NCOA2: variants seen among roughly 807,000 people sequenced by gnomAD.
NCOA2 encodes nuclear receptor coactivator 2, also known as class E basic helix-loop-helix protein 75.
Under a neutral mutation model 145.1 loss-of-function variants are expected in NCOA2, and 21 were observed. That is an observed-to-expected ratio of 0.14 (90% CI 0.10 to 0.21). NCOA2 has a LOEUF of 0.21. Among genes scored for constraint, NCOA2 ranks in the 10% least tolerant of loss-of-function variants. The pLI, the probability that NCOA2 is intolerant of heterozygous loss-of-function variation, is 1.00. For synonymous variants in NCOA2, 619 were observed against 637.5 expected, an observed-to-expected ratio of 0.97 and a Z score of 0.44; for missense variants, 1,472 against 1,837.6, an observed-to-expected ratio of 0.80 and a Z score of 3.64.
chr8:70,126,693 G>A, intron 19 of NCOA2, 120 bp downstream of exon 19: 1 of 879,058 alleles, frequency 1.1e-6, no homozygotes, highest in Non-Finnish European at 1.8e-6. Context: ...ATCATTCCCT[G>A]GTTAGCCAGA....
chr8:70,364,437 A>G (rs1810492017), intron 1 of NCOA2, among the ~76,000 whole-genome samples: 1 of 152,206 alleles, frequency 6.6e-6, no homozygotes, highest in Non-Finnish European at 1.5e-5. Context: ...AGAAAAATGC[A>G]ATGTTTTTGA....
chr8:70,271,249 C>A (rs1825022533), intron 2 of NCOA2, among the ~76,000 whole-genome samples: 1 of 152,098 alleles, frequency 6.6e-6, no homozygotes, highest in African/African-American at 2.4e-5. Context: ...TTTGCTATGT[C>A]TTTGAGTTAA....
At position 70,113,645 on chromosome 8, in the gene NCOA2, T is replaced by C; in HGVS notation, c.4384-2A>G. ...GCTTCAGCAGTGTCAGCAATATTTC[T>C]GTAGGAAAACAGATAAAAAGTTGTG... On this transcript the variant is annotated splice_acceptor_variant, in intron 22 of 22. Coordinates refer to ENST00000452400, the MANE Select transcript of NCOA2 (RefSeq NM_006540.4). LOFTEE classifies it high-confidence loss of function. 1 of 1,551,854 alleles carries C rather than the reference T, an allele frequency of 6.4e-7. No individual in the cohort carries two copies. The highest frequency in any genetic ancestry group is 8.7e-7 in the Non-Finnish European group (1 of 1,147,018).
chr8:70,442,678 AT>A, the NCOA2 span, among the ~76,000 whole-genome samples: 1 of 152,212 alleles, frequency 6.6e-6, no homozygotes, highest in Non-Finnish European at 1.5e-5. Context: ...CTGACCTCTG[AT>A]TTGCTTATGC....
chr8:70,148,967 C>T (rs1190377057), intron 11 of NCOA2, among the ~76,000 whole-genome samples: 4 of 151,910 alleles, frequency 2.6e-5, no homozygotes, highest in African/African-American at 9.7e-5. Context: ...AGTCATTTCC[C>T]TTCAGGATTT....
chr8:70,321,296 C>A (rs1586482777), intron 1 of NCOA2, among the ~76,000 whole-genome samples: 2 of 151,992 alleles, frequency 1.3e-5, no homozygotes, highest in African/African-American at 2.4e-5. Flanking sequence ...TTTAATTATT[C>A]CACATTATAT....
intron 1 of NCOA2, among the ~76,000 whole-genome samples, chr8:70,346,629 T>C (rs755435055): frequency 1.6e-4 from 24 of 152,198 alleles, no homozygotes; most frequent in Admixed American, 1.6e-3. Flanking sequence ...AGCTTCTGAG[T>C]GTACATTATT....
chr8:70,311,937 T>C (rs1586455024), intron 1 of NCOA2, among the ~76,000 whole-genome samples: 2 of 152,362 alleles, frequency 1.3e-5, no homozygotes, highest in South Asian at 2.1e-4. Context: ...CTAAACACTT[T>C]ACAAGTTTCA....
chr8:70,152,381 A>C (rs553342825), intron 11 of NCOA2, among the ~76,000 whole-genome samples: 1 of 152,348 alleles, frequency 6.6e-6, no homozygotes, highest in East Asian at 1.9e-4. Flanking sequence ...TTTTAAATAA[A>C]AAGTATAATT....
At chr8:70,334,875 A>G (rs1211080834) in intron 1 of NCOA2, among the ~76,000 whole-genome samples, 1 of 152,104 alleles carries the variant, frequency 6.6e-6, no homozygotes, top group African/African-American at 2.4e-5. Context: ...CTGTGATCTC[A>G]GCACTTTGGG....
the NCOA2 span, among the ~76,000 whole-genome samples, chr8:70,455,351 G>A: frequency 2.0e-5 from 3 of 152,184 alleles, no homozygotes; most frequent in Non-Finnish European, 4.4e-5. Flanking sequence ...TATCGGAAAG[G>A]GAATGGGAAA....
chr8:70,176,972 A>G (rs1399559230), intron 4 of NCOA2, among the ~76,000 whole-genome samples: 1 of 152,196 alleles, frequency 6.6e-6, no homozygotes, highest in Non-Finnish European at 1.5e-5. Flanking sequence ...AAAACATGTC[A>G]TAATTTATGT....
chr8:70,296,946 CTT>C (rs1563735429), intron 1 of NCOA2, 146 bp from the exon 2 acceptor site: 2 of 152,190 alleles, frequency 1.3e-5, no homozygotes, highest in Non-Finnish European at 2.9e-5. Context: ...AATAACATCT[CTT>C]ATTAAATCGC....
Position 70,174,879 on chromosome 8 carries a change from G to T in NCOA2, c.260-20C>A. On this transcript the variant is annotated intron_variant, in intron 4 of 22. Coordinates refer to ENST00000452400, the MANE Select transcript of NCOA2 (RefSeq NM_006540.4). ...CTTTCTCTGCAATAAACATAAGTGT[G>T]AATTAAATGGCAGTGCTATTTCAAG... The T allele has an allele frequency of 6.3e-7, 1 of 1,596,762 alleles. No individual in the cohort carries two copies. Among genetic ancestry groups the T allele is most frequent in the South Asian group, 1.1e-5 (1 of 90,730 alleles).
At chr8:70,324,367 C>T (rs979142370) in intron 1 of NCOA2, among the ~76,000 whole-genome samples, 3 of 152,090 alleles carry the variant, frequency 2.0e-5, no homozygotes, top group Non-Finnish European at 2.9e-5. Context: ...GACAAGGTCT[C>T]GCTCTGTCAC....
chr8:70,110,746 G>C lies in NCOA2; in HGVS notation c.*2886C>G, dbSNP rs909584706. 2 of 223,224 alleles carry C rather than the reference G, an allele frequency of 9.0e-6. No homozygotes were observed. The highest frequency in any genetic ancestry group is 5.7e-5 in the Admixed American group (1 of 17,456). 13.8% of individuals were successfully genotyped at this position (223,224 alleles called of 1,614,324 possible). ...TACAGGCCATAAGAGATACACATAG[G>C]GGGAGGGGCATTTTAATCTTTGAGT... is the stretch of plus-strand genomic sequence containing the variant. On this transcript the variant is annotated 3_prime_UTR_variant, in exon 23 of 23. Coordinates refer to ENST00000452400, the MANE Select transcript of NCOA2 (RefSeq NM_006540.4).
At chr8:70,133,888 T>C (rs1288866575) in intron 15 of NCOA2, among the ~76,000 whole-genome samples, 1 of 152,238 alleles carries the variant, frequency 6.6e-6, no homozygotes, top group African/African-American at 2.4e-5. Flanking sequence ...TAACAACCTA[T>C]TCTCTCCACT....
chr8:70,421,735 C>A, the NCOA2 span, among the ~76,000 whole-genome samples: 891 of 150,796 alleles, frequency 5.9e-3, 8 homozygotes, highest in African/African-American at 0.021. Flanking sequence ...TAGATGCATA[C>A]GTGTGGTGAG....
intron 17 of NCOA2, 85 bp downstream of exon 17, chr8:70,128,617 T>C (rs986438252): frequency 3.8e-6 from 6 of 1,593,594 alleles, no homozygotes; most frequent in East Asian, 2.2e-5. Context: ...CTGCACATTG[T>C]TGGACAGCTG....
Sources: allele counts gnomAD v4.1 joint callset (sites outside exome capture counted in the v4.1 genomes callset), GRCh38; gene constraint gnomAD v4.1.1; transcripts MANE v1.5; gene names NCBI Gene and HGNC (gene_info 2026-07-23, HGNC 2026-07-21).